The following DAW1 variants were observed in gnomAD, a reference collection of about 807,000 sequenced individuals.
DAW1 encodes dynein assembly factor with WD repeats 1.
DAW1 carries 47 observed loss-of-function variants against 56.5 expected under a neutral mutation model. The observed-to-expected ratio is 0.83, with a 90% CI of 0.66 to 1.06. The LOEUF (loss-of-function observed/expected upper bound fraction) is 1.06, where lower values mean the gene tolerates loss of function less well. Among genes scored for constraint, DAW1 ranks in the 50% least tolerant of loss-of-function variants. The pLI is 0.00. For synonymous variants in DAW1, 190 were observed against 179.0 expected, an observed-to-expected ratio of 1.06 and a Z score of -0.49; for missense variants, 505 against 499.3, an observed-to-expected ratio of 1.01 and a Z score of -0.11.
chr2:227,877,622 T>A (rs1265900756), intron 1 of DAW1, among the ~76,000 whole-genome samples: 1 of 152,246 alleles, frequency 6.6e-6, no homozygotes, highest in Non-Finnish European at 1.5e-5. Context: ...ACCAGGGGGA[T>A]GGTTTTGGGA....
chr2:227,874,991 A>ACAAACAAACAAAC (rs554748004), intron 1 of DAW1, among the ~76,000 whole-genome samples: 1,813 of 128,984 alleles, frequency 0.014, 22 homozygotes, highest in African/African-American at 0.023. Flanking sequence ...AACAAACAGA[A>ACAAACAAACAAAC]AAACAAAAAA....
At chr2:227,876,451 G>A (rs1297724108) in intron 1 of DAW1, 1 of 1,302,938 alleles carries the variant, frequency 7.7e-7, no homozygotes, top group Non-Finnish European at 1.0e-6. Context: ...AGTCTTTGGT[G>A]AGCCAAATCA....
At chr2:227,916,709 A>G (rs1008765067) in intron 10 of DAW1, among the ~76,000 whole-genome samples, 7 of 152,004 alleles carry the variant, frequency 4.6e-5, no homozygotes, top group Non-Finnish European at 1.0e-4. Flanking sequence ...AGTCTCCATT[A>G]TTTTCTTGAT....
chr2:227,918,603 C>A (rs112625855), intron 10 of DAW1, among the ~76,000 whole-genome samples, 177 bp from the exon 11 acceptor site: 28 of 152,296 alleles, frequency 1.8e-4, no homozygotes, highest in African/African-American at 6.5e-4. Context: ...CCCTCTCCTG[C>A]AATGGGACCA....
chr2:227,897,930 A>G (rs1431637794), intron 5 of DAW1, among the ~76,000 whole-genome samples: 1 of 152,014 alleles, frequency 6.6e-6, no homozygotes. Context: ...CATTAAACTC[A>G]TTTTAAAAAT....
chr2:227,922,555 T>C (rs897330566), intron 12 of DAW1, among the ~76,000 whole-genome samples: 10 of 152,144 alleles, frequency 6.6e-5, no homozygotes, highest in African/African-American at 2.2e-4. Context: ...TCTCATCATG[T>C]TGAGCAAATT....
intron 7 of DAW1, among the ~76,000 whole-genome samples, chr2:227,904,163 G>A (rs574226010): frequency 1.6e-4 from 25 of 152,122 alleles, no homozygotes; most frequent in Non-Finnish European, 3.2e-4. Context: ...TTTGTTTTGC[G>A]TACTTAGAAT....
intron 12 of DAW1, among the ~76,000 whole-genome samples, chr2:227,923,146 A>G (rs1231185961): frequency 3.3e-5 from 5 of 152,224 alleles, no homozygotes; most frequent in African/African-American, 1.2e-4. Context: ...AGTGCTTAAC[A>G]TTGGCTCACT....
chr2:227,902,164 C>T (rs1387651930), intron 6 of DAW1, among the ~76,000 whole-genome samples: 1 of 152,118 alleles, frequency 6.6e-6, no homozygotes, highest in Non-Finnish European at 1.5e-5. Context: ...AGGACAGAGG[C>T]ATGAAAGAGC....
chr2:227,900,091 G>C (rs1210370655), intron 6 of DAW1, among the ~76,000 whole-genome samples: 1 of 152,232 alleles, frequency 6.6e-6, no homozygotes, highest in East Asian at 1.9e-4. Flanking sequence ...AGCACTTGCT[G>C]TTTGAGAGGC....
chr2:227,916,583 T>C (rs565504071), intron 10 of DAW1, among the ~76,000 whole-genome samples: 1 of 152,312 alleles, frequency 6.6e-6, no homozygotes, highest in South Asian at 2.1e-4. Flanking sequence ...TTTACTATTT[T>C]GCATCATCTT....
intron 7 of DAW1, among the ~76,000 whole-genome samples, 169 bp downstream of exon 7, chr2:227,903,278 T>A (rs1305579157): frequency 2.6e-5 from 4 of 151,712 alleles, no homozygotes; most frequent in Admixed American, 6.6e-5. Context: ...TGGGTGGAGG[T>A]GCTGGGGAAG....
intron 1 of DAW1, among the ~76,000 whole-genome samples, chr2:227,874,790 G>A (rs1213865738): frequency 2.6e-5 from 4 of 151,876 alleles, no homozygotes; most frequent in Non-Finnish European, 5.9e-5. Context: ...GTGAAACCCC[G>A]TCTCTACTAA....
chr2:227,923,711 C>T (rs951939613), intron 12 of DAW1, among the ~76,000 whole-genome samples: 5 of 151,478 alleles, frequency 3.3e-5, no homozygotes, highest in East Asian at 1.9e-4. Context: ...AAGCAGGATG[C>T]GTACCTGCTT....
At chr2:227,873,218 C>A (rs1212059801) in intron 1 of DAW1, among the ~76,000 whole-genome samples, 1 of 152,174 alleles carries the variant, frequency 6.6e-6, no homozygotes, top group Non-Finnish European at 1.5e-5. Context: ...ACTTTCCTAC[C>A]TATTCAAAGT....
At chr2:227,908,762 A>G (rs964788756) in intron 10 of DAW1, among the ~76,000 whole-genome samples, 3 of 152,140 alleles carry the variant, frequency 2.0e-5, no homozygotes, top group African/African-American at 4.8e-5. Flanking sequence ...CCATCATCCT[A>G]TGTCTCCTTG....
intron 6 of DAW1, 102 bp from the exon 7 acceptor site, chr2:227,902,900 G>C: frequency 8.3e-7 from 1 of 1,201,350 alleles, no homozygotes; most frequent in Admixed American, 2.0e-5. Context: ...CAAAGAATTA[G>C]ATGGAATCTG....
At chr2:227,918,249 T>A (rs1181029798) in intron 10 of DAW1, among the ~76,000 whole-genome samples, 1 of 148,570 alleles carries the variant, frequency 6.7e-6, no homozygotes, top group Admixed American at 6.7e-5. Flanking sequence ...GAATGGCTAA[T>A]ATATGCTTGG....
chr2:227,880,838 G>C (rs1690994057), intron 1 of DAW1, among the ~76,000 whole-genome samples: 1 of 152,192 alleles, frequency 6.6e-6, no homozygotes, highest in South Asian at 2.1e-4. Flanking sequence ...ACTCTTTGAG[G>C]TGATAGGGAG....
Sources: allele counts gnomAD v4.1 joint callset (sites outside exome capture counted in the v4.1 genomes callset), GRCh38; gene constraint gnomAD v4.1.1; transcripts MANE v1.5; gene names NCBI Gene and HGNC (gene_info 2026-07-23, HGNC 2026-07-21).